DCDC2: variants seen among roughly 807,000 people sequenced by gnomAD.
The protein encoded by DCDC2 is doublecortin domain containing 2, also known as doublecortin domain-containing protein 2.
A neutral mutation model predicts 50.2 loss-of-function variants in DCDC2; 40 were observed. The observed-to-expected ratio is 0.80, with a 90% CI of 0.62 to 1.04. The LOEUF (loss-of-function observed/expected upper bound fraction) is 1.04. Among genes scored for constraint, DCDC2 ranks in the 50% least tolerant of loss-of-function variants. DCDC2 has a pLI of 0.00. For synonymous variants in DCDC2, 234 were observed against 210.6 expected (o/e 1.11, Z -0.96); for missense variants, 570 against 581.9 (o/e 0.98, Z 0.21).
chr6:24,273,404 T>C (rs537195196), intron 7 of DCDC2, among the ~76,000 whole-genome samples: 17 of 152,074 alleles, frequency 1.1e-4, no homozygotes, highest in Non-Finnish European at 1.6e-4. Flanking sequence ...TGTAACAAAA[T>C]TGCACTTGTA....
intron 2 of DCDC2, among the ~76,000 whole-genome samples, chr6:24,314,328 C>T (rs1426473068): frequency 6.6e-6 from 1 of 151,948 alleles, no homozygotes; most frequent in Non-Finnish European, 1.5e-5. Context: ...TTAAAATTAG[C>T]TAGGTGCAGT....
chr6:24,295,274 C>A lies in DCDC2; in HGVS notation c.558-4196G>T, dbSNP rs2262443. On this transcript the variant is annotated intron_variant, in intron 4 of 9. Coordinates refer to ENST00000378454, the MANE Select transcript of DCDC2 (RefSeq NM_016356.5). ...AAGGCTTTCGATAAAATTCAACATC[C>A]CTTCAAGTTAAAAACTCTCAATAAA... 1.0e-3 allele frequency among the ~76,000 whole-genome samples: 153 copies of A among 152,078 alleles called. 1 individual carries two copies. Among genetic ancestry groups the A allele is most frequent in the African/African-American group, 3.3e-3 (137 of 41,430 alleles).
chr6:24,293,390 C>T (rs997856093), intron 4 of DCDC2, among the ~76,000 whole-genome samples: 1 of 152,036 alleles, frequency 6.6e-6, no homozygotes, highest in Admixed American at 6.6e-5. Flanking sequence ...TAGGGAGGGG[C>T]CAACCATAAG....
chr6:24,247,340 T>C (rs1762701067), intron 7 of DCDC2, among the ~76,000 whole-genome samples: 1 of 151,712 alleles, frequency 6.6e-6, no homozygotes, highest in Non-Finnish European at 1.5e-5. Context: ...TATTTTTATA[T>C]ATATATATAA....
intron 7 of DCDC2, among the ~76,000 whole-genome samples, chr6:24,225,343 G>C (rs539828916): frequency 6.6e-6 from 1 of 152,120 alleles, no homozygotes; most frequent in African/African-American, 2.4e-5. Context: ...AATCCATCTA[G>C]GAGAAGCAGT....
In DCDC2 at chr6:24,178,454, G is replaced by T. The variant is rs747339767; in HGVS notation, c.1202C>A (p.Pro401His). The part of the protein sequence containing the change: ...ILDHSEQQAR[P>H]ARVNGGTDEE... Reference sequence around the variant, plus strand: ...ATCGGTGCCTCCATTTACACGAGCAGGGCGTGCCTGCTGCTCACTGTGATC... The same window carrying T: ...ATCGGTGCCTCCATTTACACGAGCATGGCGTGCCTGCTGCTCACTGTGATC... Residue 401 changes from proline (P) to histidine (H), a missense_variant, in exon 9 of 10, where the codon CCT becomes CAT. Transcript: ENST00000378454. 2 of 1,614,036 alleles carry T rather than the reference G, an allele frequency of 1.2e-6. No homozygotes were observed. The highest frequency in any genetic ancestry group is 1.7e-6 in the Non-Finnish European group (2 of 1,180,044).
chr6:24,356,558 T>TAA (rs529626703), intron 1 of DCDC2, among the ~76,000 whole-genome samples: 1 of 148,934 alleles, frequency 6.7e-6, no homozygotes, highest in East Asian at 1.9e-4. Context: ...AATAAAGCTG[T>TAA]AAAAAAAAAA....
chr6:24,318,780 C>CGTGTGTGTGTGTGTGTGTGTGT lies in DCDC2; in HGVS notation c.349-16737_349-16736insACACACACACACACACACACAC, dbSNP rs57175093. Among the ~76,000 whole-genome samples, 737 of 149,660 alleles carry CGTGTGTGTGTGTGTGTGTGTGT rather than the reference C, an allele frequency of 4.9e-3. 5 individuals are homozygous for CGTGTGTGTGTGTGTGTGTGTGT. The highest frequency in any genetic ancestry group is 0.016 in the African/African-American group (635 of 40,574). On this transcript the variant is annotated intron_variant, in intron 2 of 9. Transcript: ENST00000378454. ...AATAATATTCCGTTTTATATACGTA[C>CGTGTGTGTGTGTGTGTGTGTGT]GTGTGTGTGTGTGTGTGTGTATTAT...
chr6:24,249,592 T>C (rs1762756442), intron 7 of DCDC2, among the ~76,000 whole-genome samples: 1 of 152,230 alleles, frequency 6.6e-6, no homozygotes, highest in Admixed American at 6.5e-5. Context: ...CTCTTATGTG[T>C]ATTTTATCTA....
At chr6:24,222,974 T>A (rs1038569475) in intron 7 of DCDC2, among the ~76,000 whole-genome samples, 1 of 152,252 alleles carries the variant, frequency 6.6e-6, no homozygotes, top group Admixed American at 6.5e-5. Context: ...CTGATTAAAG[T>A]GTATACTCTT....
chr6:24,309,376 A>G (rs141190937), intron 2 of DCDC2, among the ~76,000 whole-genome samples: 2,191 of 152,206 alleles, frequency 0.014, 18 homozygotes, highest in Middle Eastern at 0.044. Context: ...AAAAATAATA[A>G]TGATGATTCA....
chr6:24,174,446 A>G lies in DCDC2; in HGVS notation c.*284T>C, dbSNP rs16888768. The G allele has an allele frequency of 0.013, 2,490 of 191,432 alleles. 33 individuals are homozygous for G. The highest frequency in any genetic ancestry group is 0.05 in the African/African-American group (1,448 of 28,706). 11.9% of individuals were successfully genotyped at this position (191,432 alleles called of 1,614,324 possible). A position where few individuals can be genotyped will look rare whatever the true frequency, so the allele number is the denominator to read the frequency against. On this transcript the variant is annotated 3_prime_UTR_variant, in exon 10 of 10. Transcript: ENST00000378454. ...TACAATAAGAGTGATCCTATTTTTCATCCTTTACAAGTGGCAATTGTCTTC... is the reference window on the plus strand; with the variant it reads ...TACAATAAGAGTGATCCTATTTTTCGTCCTTTACAAGTGGCAATTGTCTTC...
chr6:24,339,324 G>A (rs763512606), intron 2 of DCDC2, among the ~76,000 whole-genome samples: 18 of 151,992 alleles, frequency 1.2e-4, no homozygotes, highest in Non-Finnish European at 2.1e-4. Context: ...AGCACACTTC[G>A]GATAGCTTGC....
chr6:24,364,558 T>C, the DCDC2 span, among the ~76,000 whole-genome samples: 1 of 152,228 alleles, frequency 6.6e-6, no homozygotes, highest in African/African-American at 2.4e-5. Context: ...AAGGATTGTG[T>C]TCATTTTATT....
chr6:24,225,881 T>A (rs943058887), intron 7 of DCDC2, among the ~76,000 whole-genome samples: 1 of 152,208 alleles, frequency 6.6e-6, no homozygotes, highest in East Asian at 1.9e-4. Context: ...ATCAGAACAG[T>A]AAAAACAGTC....
At chr6:24,304,413 G>A (rs1273639267) in intron 2 of DCDC2, among the ~76,000 whole-genome samples, 2 of 152,162 alleles carry the variant, frequency 1.3e-5, no homozygotes, top group East Asian at 3.9e-4. Flanking sequence ...AAACCGGGAG[G>A]CAGAGGTTGC....
intron 4 of DCDC2, among the ~76,000 whole-genome samples, chr6:24,292,972 C>A (rs1175983899): frequency 6.6e-6 from 1 of 152,192 alleles, no homozygotes. Context: ...TATTTTTCTA[C>A]TTTTCTTCAA....
At chr6:24,209,407 T>G (rs1433936336) in intron 7 of DCDC2, among the ~76,000 whole-genome samples, 1 of 152,190 alleles carries the variant, frequency 6.6e-6, no homozygotes, top group Non-Finnish European at 1.5e-5. Context: ...CCACGACTCA[T>G]GAAGGGTGAG....
At chr6:24,286,228 G>GT (rs374070676) in intron 6 of DCDC2, among the ~76,000 whole-genome samples, 61 of 152,226 alleles carry the variant, frequency 4.0e-4, no homozygotes, top group Middle Eastern at 3.4e-3. Flanking sequence ...TGTTCAAGCT[G>GT]TGCTGGGTGA....
Sources: allele counts gnomAD v4.1 joint callset (sites outside exome capture counted in the v4.1 genomes callset), GRCh38; gene constraint gnomAD v4.1.1; transcripts MANE v1.5; gene names NCBI Gene and HGNC (gene_info 2026-07-23, HGNC 2026-07-21).